LGR5: variants seen among roughly 807,000 people sequenced by gnomAD.
The protein encoded by LGR5 is leucine-rich repeat-containing G protein-coupled receptor 5.
A neutral mutation model predicts 76.7 loss-of-function variants in LGR5; 54 were observed. The ratio of observed to expected loss-of-function variants is 0.70; its 90% confidence interval spans 0.57 to 0.88. The LOEUF (loss-of-function observed/expected upper bound fraction) is 0.88. Ranked by LOEUF, LGR5 falls within the 40% of genes least tolerant of loss-of-function variation. LGR5 has a pLI of 0.00. For synonymous variants in LGR5, 406 were observed against 421.9 expected (o/e 0.96, Z 0.46); for missense variants, 1,078 against 1,073.3 (o/e 1.00, Z -0.06).
At chr12:71,532,270 T>A (rs945306221) in intron 3 of LGR5, among the ~76,000 whole-genome samples, 1 of 152,080 alleles carries the variant, frequency 6.6e-6, no homozygotes, top group Admixed American at 6.5e-5. Flanking sequence ...AAAATAACAA[T>A]AAAATAACAC....
intron 1 of LGR5, among the ~76,000 whole-genome samples, chr12:71,468,003 T>C (rs1156274698): frequency 6.6e-6 from 1 of 152,212 alleles, no homozygotes; most frequent in Admixed American, 6.5e-5. Flanking sequence ...AGCAGATTGA[T>C]TTTCACTAAA....
chr12:71,469,857 G>A (rs1565667434), intron 1 of LGR5, among the ~76,000 whole-genome samples: 1 of 152,172 alleles, frequency 6.6e-6, no homozygotes, highest in Non-Finnish European at 1.5e-5. Context: ...AGAAAGTCTT[G>A]TAGTGAGTTT....
At chr12:71,489,649 G>T (rs1399430892) in intron 1 of LGR5, among the ~76,000 whole-genome samples, 1 of 152,140 alleles carries the variant, frequency 6.6e-6, no homozygotes, top group Non-Finnish European at 1.5e-5. Context: ...AGAGCCAAAA[G>T]AAATTAATCT....
chr12:71,573,529 AT>A (rs67687642), intron 13 of LGR5, among the ~76,000 whole-genome samples: 24,342 of 151,780 alleles, frequency 0.16, 2,315 homozygotes, highest in East Asian at 0.44. Flanking sequence ...TATATATTAA[AT>A]TTTTTTAAAA....
chr12:71,495,248 G>A (rs966400053), intron 1 of LGR5, among the ~76,000 whole-genome samples: 14 of 151,380 alleles, frequency 9.2e-5, no homozygotes, highest in African/African-American at 2.5e-5. Context: ...GCATTTATGG[G>A]AAGATGCAAA....
intron 13 of LGR5, among the ~76,000 whole-genome samples, chr12:71,576,627 C>T (rs540679176): frequency 8.5e-5 from 13 of 152,210 alleles, no homozygotes; most frequent in South Asian, 2.1e-4. Context: ...AGGATTCCAG[C>T]GCACGGGCTC....
At chr12:71,476,512 G>A (rs77906867) in intron 1 of LGR5, among the ~76,000 whole-genome samples, 12 of 152,102 alleles carry the variant, frequency 7.9e-5, no homozygotes, top group African/African-American at 2.9e-4. Flanking sequence ...TGGTAGCATG[G>A]GTGACAGTGG....
At chr12:71,571,276 C>A in intron 11 of LGR5, 1 of 342,580 alleles carries the variant, frequency 2.9e-6, no homozygotes, top group Non-Finnish European at 5.3e-6. Flanking sequence ...TAAATGAATT[C>A]ATTAAGTAAA....
intron 1 of LGR5, among the ~76,000 whole-genome samples, chr12:71,471,644 T>G (rs533096153): frequency 8.0e-4 from 105 of 131,884 alleles, no homozygotes; most frequent in Non-Finnish European, 1.3e-3. Context: ...CTGTTTTGTT[T>G]TTTTTTTTTT....
intron 1 of LGR5, among the ~76,000 whole-genome samples, chr12:71,479,369 T>A (rs1488225477): frequency 6.6e-6 from 1 of 152,206 alleles, no homozygotes; most frequent in African/African-American, 2.4e-5. Flanking sequence ...AAGGGAATAG[T>A]GCCAGAGGAT....
chr12:71,445,678 A>T (rs572981913), intron 1 of LGR5, among the ~76,000 whole-genome samples: 5 of 152,162 alleles, frequency 3.3e-5, no homozygotes, highest in African/African-American at 1.2e-4. Context: ...ATTAAGCCCA[A>T]TGGGAATGCC....
chr12:71,545,829 C>A (rs1157304301), intron 4 of LGR5, among the ~76,000 whole-genome samples: 4 of 151,840 alleles, frequency 2.6e-5, no homozygotes, highest in Admixed American at 6.6e-5. Context: ...CAATAATGAT[C>A]TGATACATTC....
At chr12:71,512,706 G>A (rs773564752) in intron 2 of LGR5, among the ~76,000 whole-genome samples, 7 of 152,274 alleles carry the variant, frequency 4.6e-5, no homozygotes, top group African/African-American at 9.6e-5. Flanking sequence ...TTATGAAATC[G>A]GGTGTCAGGA....
At chr12:71,564,788 T>G (rs1309857879) in intron 8 of LGR5, among the ~76,000 whole-genome samples, 38 of 149,230 alleles carry the variant, frequency 2.5e-4, no homozygotes, top group African/African-American at 8.1e-4. Context: ...CATATATACA[T>G]ATATACATAT....
At chr12:71,485,044 A>G (rs936854963) in intron 1 of LGR5, among the ~76,000 whole-genome samples, 3 of 152,178 alleles carry the variant, frequency 2.0e-5, no homozygotes, top group Non-Finnish European at 4.4e-5. Flanking sequence ...ATAAACATCA[A>G]TATGCTAGCA....
At position 71,523,674 on chromosome 12, in the gene LGR5, A is replaced by T. The variant is rs141180260; in HGVS notation, c.285-732A>T. ...GGCTGCCAAAAAAATACTGAATCAC[A>T]TGTTTCAGGTACCACATCTTGTTGG... On this transcript the variant is annotated intron_variant, in intron 2 of 17. Coordinates refer to ENST00000266674, the MANE Select transcript of LGR5 (RefSeq NM_003667.4). 6.0e-4 allele frequency among the ~76,000 whole-genome samples: 92 copies of T among 152,198 alleles called. No homozygotes were observed. In the East Asian group the frequency reaches 0.017, roughly 28 times the overall value.
chr12:71,486,122 T>G (rs1873815203), intron 1 of LGR5, among the ~76,000 whole-genome samples: 1 of 152,180 alleles, frequency 6.6e-6, no homozygotes, highest in African/African-American at 2.4e-5. Flanking sequence ...TTTTCAGGCC[T>G]TATCTATATT....
At chr12:71,564,927 A>G (rs1878264803) in intron 8 of LGR5, among the ~76,000 whole-genome samples, 1 of 151,430 alleles carries the variant, frequency 6.6e-6, no homozygotes, top group African/African-American at 2.4e-5. Context: ...ATATACATAT[A>G]TGTGTATATA....
chr12:71,510,966 T>A (rs1456855088), intron 2 of LGR5, among the ~76,000 whole-genome samples: 1 of 152,028 alleles, frequency 6.6e-6, no homozygotes, highest in Non-Finnish European at 1.5e-5. Flanking sequence ...TGGATGCAGC[T>A]GGAGAGGAAG....
Sources: gnomAD v4.1 joint callset for allele counts (sites outside exome capture counted in the v4.1 genomes callset) on GRCh38, gnomAD v4.1.1 for gene constraint, MANE v1.5 for transcripts, NCBI Gene and HGNC (gene_info 2026-07-23, HGNC 2026-07-21) for gene names.